The following NWD2 variants were observed in gnomAD, a reference collection of about 807,000 sequenced individuals.
NWD2 encodes the protein NACHT and WD repeat domain-containing protein 2.
NWD2 carries 37 observed loss-of-function variants against 132.7 expected under a neutral mutation model. The ratio of observed to expected loss-of-function variants is 0.28; its 90% CI spans 0.21 to 0.37. NWD2 has a LOEUF of 0.37. Ranked by LOEUF, NWD2 falls within the 10% of genes least tolerant of loss-of-function variation. The pLI, the probability that NWD2 is intolerant of heterozygous loss-of-function variation, is 1.00. For missense variants in NWD2, 1,592 were observed against 2,122.4 expected (o/e 0.75, Z 4.91); for synonymous variants, 705 against 803.0 (o/e 0.88, Z 2.06).
intron 1 of NWD2, among the ~76,000 whole-genome samples, chr4:37,265,746 A>G (rs1026478073): frequency 3.3e-5 from 5 of 151,906 alleles, no homozygotes; most frequent in African/African-American, 1.2e-4. Context: ...CCCTCTTATA[A>G]GGACCCTTGT....
At chr4:37,441,469 A>G (rs376160937) in intron 6 of NWD2, among the ~76,000 whole-genome samples, 2 of 152,200 alleles carry the variant, frequency 1.3e-5, no homozygotes, top group African/African-American at 4.8e-5. Flanking sequence ...ATATCGTTCA[A>G]TTTGACTAAG....
At chr4:37,345,686 T>C (rs951869683) in intron 2 of NWD2, among the ~76,000 whole-genome samples, 1 of 152,224 alleles carries the variant, frequency 6.6e-6, no homozygotes, top group Non-Finnish European at 1.5e-5. Flanking sequence ...ATTTAAATCA[T>C]AATTTTAAAA....
At chr4:37,326,694 A>G (rs1719180384) in intron 2 of NWD2, among the ~76,000 whole-genome samples, 1 of 152,202 alleles carries the variant, frequency 6.6e-6, no homozygotes, top group South Asian at 2.1e-4. Flanking sequence ...GCAACAGATA[A>G]CATTATTTAG....
chr4:37,313,905 C>T (rs1219436795), intron 1 of NWD2, among the ~76,000 whole-genome samples: 1 of 151,006 alleles, frequency 6.6e-6, no homozygotes, highest in African/African-American at 2.5e-5. Flanking sequence ...ACCATGTTGG[C>T]CAGGCTGGTC....
intron 1 of NWD2, among the ~76,000 whole-genome samples, chr4:37,295,842 G>T (rs1423598321): frequency 6.6e-6 from 1 of 152,166 alleles, no homozygotes; most frequent in Non-Finnish European, 1.5e-5. Context: ...TCTTCACGCT[G>T]AAAGTATATT....
In NWD2 at chr4:37,443,689, C is replaced by T. The variant is rs1049820054; in HGVS notation, c.1701C>T (p.Ile567=). Reference sequence around the variant, plus strand: ...TTATCCATGAAGAAGACAACTACATCGAGCTGATTCCCCGAGACAGGAAGA... The same window carrying T: ...TTATCCATGAAGAAGACAACTACATTGAGCTGATTCCCCGAGACAGGAAGA... ...RCLIHEEDNY[I]ELIPRDRKMC... is the part of the protein sequence containing the mutation. The change falls in exon 7 of 7, where the codon ATC becomes ATT. Residue 567 remains isoleucine, a synonymous_variant. Coordinates refer to ENST00000309447, the MANE Select transcript of NWD2 (RefSeq NM_001144990.2). The surrounding 1 kb of genome is among the most constrained non-coding windows in gnomAD (Gnocchi z 4.1). The T allele has an allele frequency of 3.0e-5, 46 of 1,551,912 alleles. No individual in the cohort carries two copies. The highest frequency in any genetic ancestry group is 1.7e-4 in the East Asian group (7 of 40,922).
chr4:37,298,026 G>A (rs1364124167), intron 1 of NWD2, among the ~76,000 whole-genome samples: 3 of 152,106 alleles, frequency 2.0e-5, no homozygotes, highest in African/African-American at 2.4e-5. Flanking sequence ...ACTGGTGGGC[G>A]TCTCAGTAAG....
At chr4:37,414,283 G>A (rs567025207) in intron 3 of NWD2, among the ~76,000 whole-genome samples, 1 of 152,188 alleles carries the variant, frequency 6.6e-6, no homozygotes, top group South Asian at 2.1e-4. Context: ...AGTTGGTAAA[G>A]CTGGTAATAG....
intron 2 of NWD2, among the ~76,000 whole-genome samples, chr4:37,341,340 A>G (rs1719518800): frequency 6.6e-6 from 1 of 152,344 alleles, no homozygotes; most frequent in Middle Eastern, 3.4e-3. Flanking sequence ...CATACTTTCA[A>G]CTGACAACAG....
chr4:37,431,047 C>A (rs1577700634), intron 4 of NWD2, among the ~76,000 whole-genome samples: 1 of 152,250 alleles, frequency 6.6e-6, no homozygotes, highest in Middle Eastern at 3.4e-3. Flanking sequence ...GAAAAAGGAA[C>A]CCTGTTACAC....
At chr4:37,356,925 C>T (rs1719882541) in intron 3 of NWD2, among the ~76,000 whole-genome samples, 1 of 152,178 alleles carries the variant, frequency 6.6e-6, no homozygotes, top group African/African-American at 2.4e-5. Flanking sequence ...TACTATGTCT[C>T]ATCTGCCAGT....
chr4:37,254,118 G>C (rs893470013), intron 1 of NWD2, among the ~76,000 whole-genome samples: 6 of 152,184 alleles, frequency 3.9e-5, no homozygotes, highest in African/African-American at 1.4e-4. Context: ...TAATAGCTGG[G>C]TAATGAAATA....
intron 2 of NWD2, among the ~76,000 whole-genome samples, chr4:37,326,665 A>G (rs1056923860): frequency 2.0e-5 from 3 of 152,158 alleles, no homozygotes; most frequent in Admixed American, 2.0e-4. Flanking sequence ...CCAAATGTTG[A>G]AAAAAATAAA....
chr4:37,344,968 C>T (rs112789326), intron 2 of NWD2, among the ~76,000 whole-genome samples: 3,969 of 152,220 alleles, frequency 0.026, 168 homozygotes, highest in African/African-American at 0.091. Flanking sequence ...TGGAATCATA[C>T]AATATGTGGT....
chr4:37,358,888 A>C (rs1331592142), intron 3 of NWD2, among the ~76,000 whole-genome samples: 1 of 152,156 alleles, frequency 6.6e-6, no homozygotes, highest in African/African-American at 2.4e-5. Context: ...CCACTGTGAC[A>C]GGGGTGCTAT....
intron 1 of NWD2, among the ~76,000 whole-genome samples, chr4:37,317,857 G>A (rs567262195): frequency 5.9e-5 from 9 of 152,254 alleles, no homozygotes; most frequent in African/African-American, 2.2e-4. Flanking sequence ...TTACTTGAAA[G>A]TGACATTGGA....
In NWD2 at chr4:37,447,279, C is replaced by T. The variant is rs551805242; in HGVS notation, c.*62C>T. Reference sequence around the variant, plus strand: ...ACGTACAGAAGGGAAAAAAATGTGCCCCAAATGATAAACTATTCATTTATT... The same window carrying T: ...ACGTACAGAAGGGAAAAAAATGTGCTCCAAATGATAAACTATTCATTTATT... On this transcript the variant is annotated 3_prime_UTR_variant, in exon 7 of 7. Coordinates refer to ENST00000309447, the MANE Select transcript of NWD2 (RefSeq NM_001144990.2). 6 of 1,251,080 alleles carry T rather than the reference C, an allele frequency of 4.8e-6. No individual in the cohort carries two copies. The East Asian group carries it at 1.3e-4, about 27-fold the overall frequency. 77.5% of individuals were successfully genotyped at this position (1,251,080 alleles called of 1,614,324 possible).
At chr4:37,256,692 A>G (rs575598289) in intron 1 of NWD2, among the ~76,000 whole-genome samples, 34 of 152,366 alleles carry the variant, frequency 2.2e-4, no homozygotes, top group African/African-American at 7.0e-4. Context: ...TTTAAAATTC[A>G]GAAGTCTAAA....
At chr4:37,406,052 A>AT (rs5857566) in intron 3 of NWD2, among the ~76,000 whole-genome samples, 36,571 of 152,144 alleles carry the variant, frequency 0.24, 5,211 homozygotes, top group Middle Eastern at 0.32. Flanking sequence ...TTCTCTGAAG[A>AT]TTTTTTAAAA....
Sources: allele counts gnomAD v4.1 joint callset (sites outside exome capture counted in the v4.1 genomes callset), GRCh38; gene constraint gnomAD v4.1.1; non-coding constraint Gnocchi (gnomAD v3.1); transcripts MANE v1.5; gene names NCBI Gene and HGNC (gene_info 2026-07-23, HGNC 2026-07-21).